Variants in PACSIN2 observed in about 807,000 individuals in gnomAD.
PACSIN2 encodes protein kinase C and casein kinase substrate in neurons protein 2.
In PACSIN2, 25 loss-of-function variants were observed where a neutral mutation model predicts 63.8. That is an observed-to-expected ratio of 0.39 (90% CI 0.29 to 0.55). The LOEUF is 0.55. Among genes scored for constraint, PACSIN2 ranks in the 20% least tolerant of loss-of-function variants. PACSIN2 has a pLI of 0.62. For missense variants in PACSIN2, 518 were observed against 646.9 expected (o/e 0.80, Z 2.16); for synonymous variants, 255 against 256.2 (o/e 1.00, Z 0.05).
At chr22:42,996,097 G>A (rs1923380171) in intron 1 of PACSIN2, among the ~76,000 whole-genome samples, 1 of 152,080 alleles carries the variant, frequency 6.6e-6, no homozygotes, top group Admixed American at 6.5e-5. Context: ...GTGGGCGCCT[G>A]TAGTCCCAGC....
intron 1 of PACSIN2, among the ~76,000 whole-genome samples, chr22:43,001,790 G>A (rs1424269507): frequency 3.3e-5 from 5 of 152,236 alleles, no homozygotes; most frequent in Non-Finnish European, 7.3e-5. Flanking sequence ...TGTGGGGAGA[G>A]GGTAGACATG....
At chr22:42,895,816 C>T (rs1930237031) in intron 2 of PACSIN2, among the ~76,000 whole-genome samples, 1 of 152,216 alleles carries the variant, frequency 6.6e-6, no homozygotes, top group African/African-American at 2.4e-5. Context: ...GGCAGTATGC[C>T]AAACAGTTGG....
chr22:42,932,991 A>G (rs1399629060), intron 1 of PACSIN2, among the ~76,000 whole-genome samples: 1 of 152,284 alleles, frequency 6.6e-6, no homozygotes, highest in Non-Finnish European at 1.5e-5. Context: ...TCAGTTACGC[A>G]GCACTTTAAA....
chr22:42,944,538 T>G (rs1162040094), intron 1 of PACSIN2, among the ~76,000 whole-genome samples: 2 of 152,170 alleles, frequency 1.3e-5, no homozygotes, highest in African/African-American at 4.8e-5. Flanking sequence ...CTCTGACCCT[T>G]AAGTCCCACT....
intron 1 of PACSIN2, among the ~76,000 whole-genome samples, chr22:42,948,515 A>T: frequency 6.6e-6 from 1 of 152,178 alleles, no homozygotes. Context: ...ATGACTATCT[A>T]TAGTCCCAGA....
chr22:42,878,365 A>G (rs1928808654), intron 8 of PACSIN2, among the ~76,000 whole-genome samples: 1 of 152,208 alleles, frequency 6.6e-6, no homozygotes, highest in Non-Finnish European at 1.5e-5. Context: ...AGGCCAAGGG[A>G]ACCTGGGCTA....
In PACSIN2 at chr22:42,973,899, A is replaced by G. The variant is rs573970407; in HGVS notation, c.-78+41122T>C. On this transcript the variant is annotated intron_variant, in intron 1 of 10. Coordinates refer to ENST00000263246, the MANE Select transcript of PACSIN2 (RefSeq NM_001184970.3). The stretch of plus-strand genomic sequence containing the variant: ...AGAAATGGCAGCCTCATCCTTGGGG[A>G]CACATAGCTCAGGTGTGGATGCCAA... Among the ~76,000 whole-genome samples, 18 of 152,372 alleles carry G rather than the reference A, an allele frequency of 1.2e-4. No individual in the cohort carries two copies. In the East Asian group the frequency reaches 3.5e-3, roughly 29 times the overall value.
At chr22:42,998,803 C>T (rs574860945) in intron 1 of PACSIN2, among the ~76,000 whole-genome samples, 1 of 152,246 alleles carries the variant, frequency 6.6e-6, no homozygotes, top group East Asian at 1.9e-4. Context: ...TCATCCTGTG[C>T]CCATATAAAA....
intron 1 of PACSIN2, among the ~76,000 whole-genome samples, chr22:42,969,160 T>G (rs1043549844): frequency 6.6e-6 from 1 of 152,216 alleles, no homozygotes; most frequent in Non-Finnish European, 1.5e-5. Context: ...TTAAAAGACA[T>G]GGTCACTAAC....
In PACSIN2 at chr22:42,871,335, C is replaced by CT; in HGVS notation, c.*21_*22insA. On this transcript the variant is annotated 3_prime_UTR_variant, in exon 11 of 11. Transcript: ENST00000263246. This position sits in a 1 kb window ranked among gnomAD's most constrained non-coding sequence, Gnocchi z 5.4. ...TCCTGGGCCCGCCGCCTCCGTCCCC[C>CT]CGCTGGCCTGTCCCCGACTCATCAC... The CT allele has an allele frequency of 3.9e-6, 6 of 1,541,406 alleles. No homozygotes were observed. The highest frequency in any genetic ancestry group is 5.4e-6 in the Non-Finnish European group (6 of 1,113,742).
intron 1 of PACSIN2, among the ~76,000 whole-genome samples, chr22:42,925,415 G>A (rs149212757): frequency 2.0e-5 from 3 of 151,992 alleles, no homozygotes; most frequent in African/African-American, 7.2e-5. Context: ...GGCAGGCAGA[G>A]GTTGCAGTGA....
At chr22:42,875,477 C>T (rs1238990994) in intron 10 of PACSIN2, among the ~76,000 whole-genome samples, 1 of 151,752 alleles carries the variant, frequency 6.6e-6, no homozygotes, top group African/African-American at 2.4e-5. Context: ...TCAGGTGATC[C>T]TCCCACCTCA....
chr22:42,986,564 A>G (rs1922624878), intron 1 of PACSIN2, among the ~76,000 whole-genome samples: 1 of 152,098 alleles, frequency 6.6e-6, no homozygotes. Context: ...CACGCTGCTG[A>G]GTGCACATGC....
At chr22:42,997,919 G>A (rs1312728918) in intron 1 of PACSIN2, among the ~76,000 whole-genome samples, 1 of 152,152 alleles carries the variant, frequency 6.6e-6, no homozygotes, top group Admixed American at 6.6e-5. Flanking sequence ...AAGAAACATT[G>A]CTGAGTTCCA....
rs1215377467 is a variant in PACSIN2, at chr22:42,871,889, G to A, written c.1349-420C>T. On this transcript the variant is annotated intron_variant, in intron 10 of 10. Transcript: ENST00000263246. The surrounding 1 kb of genome is among the most constrained non-coding windows in gnomAD (Gnocchi z 5.4). ...CTTGCTCCCAGCAGCTGTCTCTGGG[G>A]TCTCTCTGCCTTTGCTAATCCCTCT... 6.6e-6 allele frequency among the ~76,000 whole-genome samples: 1 copy of A among 151,878 alleles called. No individual in the cohort carries two copies. Among genetic ancestry groups the A allele is most frequent in the South Asian group, 2.1e-4 (1 of 4,818 alleles).
chr22:42,947,647 CTA>C lies in PACSIN2; in HGVS notation c.-77-35492_-77-35491del, dbSNP rs574179334. Among the ~76,000 whole-genome samples, 377 of 146,218 alleles carry C rather than the reference CTA, an allele frequency of 2.6e-3. 3 individuals are homozygous for C. Among genetic ancestry groups the C allele is most frequent in the African/African-American group, 9.2e-3 (356 of 38,760 alleles). On this transcript the variant is annotated intron_variant, in intron 1 of 10. Transcript: ENST00000263246. ...TCTAGAAGGTCTCTGAAATCTGCAT[CTA>C]TGAGTCTTCACAAGACCCCTGGGGG...
chr22:42,970,738 A>G (rs1018479007), intron 1 of PACSIN2, among the ~76,000 whole-genome samples: 5 of 152,232 alleles, frequency 3.3e-5, no homozygotes, highest in African/African-American at 1.2e-4. Context: ...TAAAATCTTT[A>G]AGTAAGCAAG....
intron 2 of PACSIN2, among the ~76,000 whole-genome samples, chr22:42,894,284 A>C (rs990241026): frequency 6.6e-6 from 1 of 151,848 alleles, no homozygotes; most frequent in African/African-American, 2.4e-5. Flanking sequence ...CGCTGTCGTC[A>C]GGCTGGAGTG....
intron 2 of PACSIN2, among the ~76,000 whole-genome samples, chr22:42,900,772 C>A (rs1450373030): frequency 6.6e-6 from 1 of 152,200 alleles, no homozygotes; most frequent in African/African-American, 2.4e-5. Context: ...CCGCACCCGA[C>A]CTAGTGTCCC....
Sources: allele counts gnomAD v4.1 joint callset (sites outside exome capture counted in the v4.1 genomes callset), GRCh38; gene constraint gnomAD v4.1.1; non-coding constraint Gnocchi (gnomAD v3.1); transcripts MANE v1.5; gene names NCBI Gene and HGNC (gene_info 2026-07-23, HGNC 2026-07-21).